DAB1: variants seen among roughly 807,000 people sequenced by gnomAD.
The protein encoded by DAB1 is disabled homolog 1.
Under a neutral mutation model 64.6 loss-of-function variants are expected in DAB1, and 15 were observed. The ratio of observed to expected loss-of-function variants is 0.23; its 90% CI spans 0.16 to 0.36. The LOEUF is 0.36. Among genes scored for constraint, DAB1 ranks in the 10% least tolerant of loss-of-function variants. The pLI is 1.00. For synonymous variants in DAB1, 235 were observed against 251.9 expected (o/e 0.93, Z 0.64); for missense variants, 596 against 706.7 (o/e 0.84, Z 1.78).
chr1:57,665,242 A>G (rs1327505255), intron 6 of DAB1, among the ~76,000 whole-genome samples: 1 of 152,148 alleles, frequency 6.6e-6, no homozygotes, highest in African/African-American at 2.4e-5. Flanking sequence ...AGCCTGTGGA[A>G]GTAGTCAAGT....
chr1:57,415,674 G>A (rs1392944624), intron 1 of DAB1, among the ~76,000 whole-genome samples: 2 of 152,136 alleles, frequency 1.3e-5, no homozygotes, highest in Non-Finnish European at 2.9e-5. Flanking sequence ...TTTAACCTGA[G>A]TATATTTGAA....
At chr1:57,714,527 G>T (rs1007806716) in intron 6 of DAB1, among the ~76,000 whole-genome samples, 3 of 152,204 alleles carry the variant, frequency 2.0e-5, no homozygotes, top group East Asian at 3.9e-4. Flanking sequence ...TTCTGGAGAT[G>T]TATAGCATGG....
chr1:58,435,014 C>T (rs1569780316), intron 3 of DAB1, among the ~76,000 whole-genome samples: 1 of 152,120 alleles, frequency 6.6e-6, no homozygotes, highest in South Asian at 2.1e-4. Flanking sequence ...CTCTCATTTC[C>T]AGAATGTAGG....
intron 5 of DAB1, among the ~76,000 whole-genome samples, chr1:57,953,467 T>G (rs953192231): frequency 6.6e-6 from 1 of 152,224 alleles, no homozygotes; most frequent in Non-Finnish European, 1.5e-5. Context: ...CTGGTCTGAA[T>G]GATCTTAAGG....
At chr1:57,492,086 T>C (rs750057579) in intron 7 of DAB1, among the ~76,000 whole-genome samples, 2 of 152,226 alleles carry the variant, frequency 1.3e-5, no homozygotes, top group Non-Finnish European at 2.9e-5. Flanking sequence ...AAGCCTTAGT[T>C]GTCAAACTAA....
intron 8 of DAB1, among the ~76,000 whole-genome samples, chr1:57,066,024 C>A (rs79073234): frequency 6.6e-6 from 1 of 152,180 alleles, no homozygotes; most frequent in East Asian, 1.9e-4. Context: ...ATACAGAAGA[C>A]ACTTTTACTT....
At chr1:57,572,049 T>C (rs958909550) in intron 7 of DAB1, among the ~76,000 whole-genome samples, 4 of 152,210 alleles carry the variant, frequency 2.6e-5, no homozygotes, top group Non-Finnish European at 4.4e-5. Context: ...GTGACCGTCC[T>C]GGCCAGCTGC....
At chr1:58,486,494 C>A (rs1312753970) in intron 3 of DAB1, among the ~76,000 whole-genome samples, 1 of 152,156 alleles carries the variant, frequency 6.6e-6, no homozygotes, top group Admixed American at 6.6e-5. Context: ...CTATTTTTCA[C>A]CCACTATTAT....
chr1:57,922,974 C>G (rs1644831673), intron 5 of DAB1, among the ~76,000 whole-genome samples: 2 of 145,706 alleles, frequency 1.4e-5, no homozygotes, highest in Admixed American at 1.4e-4. Flanking sequence ...CTTTCTTCCT[C>G]CCTCCCTCCC....
intron 2 of DAB1, among the ~76,000 whole-genome samples, chr1:57,227,508 T>A (rs868632964): frequency 6.9e-6 from 1 of 145,862 alleles, no homozygotes; most frequent in Non-Finnish European, 1.5e-5. Context: ...GGAGGCAGGA[T>A]TTTTTTTCTT....
At chr1:58,458,531 C>A (rs1205711168) in intron 3 of DAB1, among the ~76,000 whole-genome samples, 2 of 152,224 alleles carry the variant, frequency 1.3e-5, no homozygotes, top group Non-Finnish European at 2.9e-5. Flanking sequence ...AGGCTGGGTA[C>A]AGTGGCTCAT....
chr1:58,322,948 G>T (rs895406488), intron 4 of DAB1, among the ~76,000 whole-genome samples: 5 of 152,112 alleles, frequency 3.3e-5, no homozygotes, highest in Admixed American at 6.5e-5. Flanking sequence ...TAGGGACATG[G>T]ATGAAGCTGG....
At chr1:57,505,416 A>T (rs919354339) in intron 7 of DAB1, among the ~76,000 whole-genome samples, 1 of 152,194 alleles carries the variant, frequency 6.6e-6, no homozygotes, top group Non-Finnish European at 1.5e-5. Flanking sequence ...ATCTGTGAGT[A>T]CTTGCCTTCA....
chr1:58,019,483 G>A (rs1009360546), intron 5 of DAB1, among the ~76,000 whole-genome samples: 25 of 152,084 alleles, frequency 1.6e-4, no homozygotes, highest in South Asian at 6.2e-4. Flanking sequence ...TATTGCCTAC[G>A]TACTATGAAT....
chr1:57,853,442 A>G (rs1038510169), intron 1 of DAB1, among the ~76,000 whole-genome samples: 7 of 152,210 alleles, frequency 4.6e-5, no homozygotes, highest in Non-Finnish European at 8.8e-5. Flanking sequence ...CCTCAAGAAA[A>G]CCTTCAGTAT....
chr1:58,085,877 T>C (rs552927343), intron 5 of DAB1, among the ~76,000 whole-genome samples: 55 of 151,736 alleles, frequency 3.6e-4, no homozygotes, highest in African/African-American at 1.3e-3. Context: ...ATCATCACTC[T>C]CATTATGTTC....
intron 4 of DAB1, among the ~76,000 whole-genome samples, chr1:58,172,801 G>A (rs1359608950): frequency 1.3e-5 from 2 of 152,242 alleles, no homozygotes; most frequent in Non-Finnish European, 2.9e-5. Flanking sequence ...CAGAACTAGT[G>A]GCAGTTGCCC....
chr1:57,749,367 C>T (rs1466225775), intron 6 of DAB1, among the ~76,000 whole-genome samples: 6 of 152,174 alleles, frequency 3.9e-5, no homozygotes, highest in Non-Finnish European at 1.5e-5. Flanking sequence ...CAGTGCCCTA[C>T]AAGTCATTAC....
intron 4 of DAB1, among the ~76,000 whole-genome samples, chr1:57,074,928 T>A (rs1570643358): frequency 6.6e-6 from 1 of 152,210 alleles, no homozygotes; most frequent in South Asian, 2.1e-4. Flanking sequence ...TTCACGGTGT[T>A]AATGATGTAA....
Sources: allele counts gnomAD v4.1 joint callset (sites outside exome capture counted in the v4.1 genomes callset), GRCh38; gene constraint gnomAD v4.1.1; transcripts MANE v1.5; gene names NCBI Gene and HGNC (gene_info 2026-07-23, HGNC 2026-07-21).